HDAC9: variants seen among roughly 807,000 people sequenced by gnomAD.
The protein encoded by HDAC9 is MEF-2 interacting transcription repressor (MITR) protein.
HDAC9 carries 41 observed loss-of-function variants against 139.4 expected under a neutral mutation model. The observed-to-expected ratio is 0.29, with a 90% CI of 0.23 to 0.38. The LOEUF (loss-of-function observed/expected upper bound fraction) is 0.38, where lower values mean the gene tolerates loss of function less well. HDAC9 is among the 10% of genes least tolerant of loss of function. The pLI, the probability that HDAC9 is intolerant of heterozygous loss-of-function variation, is 1.00. For synonymous variants in HDAC9, 517 were observed against 476.2 expected (o/e 1.09, Z -1.12); for missense variants, 1,147 against 1,297.0 (o/e 0.88, Z 1.78).
At chr7:18,392,916 T>A (rs1229062426) in intron 1 of HDAC9, among the ~76,000 whole-genome samples, 1 of 77,950 alleles carries the variant, frequency 1.3e-5, no homozygotes, top group African/African-American at 5.9e-5. Context: ...TGGCCATGAC[T>A]GGCAAAAAAA....
chr7:18,585,331 G>T lies in HDAC9; in HGVS notation c.73G>T (p.Asp25Tyr). 1.2e-6 allele frequency: 2 copies of T among 1,610,008 alleles called. No homozygotes were observed. Among genetic ancestry groups the T allele is most frequent in the South Asian group, 1.1e-5 (1 of 90,982 alleles). The change falls in exon 3 of 26, where the codon GAC (aspartate) becomes TAC (tyrosine). Residue 25 changes from aspartate (D) to tyrosine (Y), a missense_variant. By Grantham distance (160) the Asp-to-Tyr change is radical. Around this residue, in one of 7 missense-constraint regions of HDAC9, gnomAD observed 136 missense variants for 183.5 expected, o/e 0.74. Coordinates refer to ENST00000686413, the MANE Select transcript of HDAC9 (RefSeq NM_178425.4). Reference protein sequence around the residue: ...PVGLEPISPLDLRTDLRMMMP... With the variant: ...PVGLEPISPLYLRTDLRMMMP... The stretch of plus-strand genomic sequence containing the variant: ...GGGCCTGGAGCCCATCTCACCTTTA[G>T]ACCTAAGGACAGACCTCAGGATGAT...
chr7:18,589,921 C>G (rs1377920625), intron 3 of HDAC9, among the ~76,000 whole-genome samples: 10 of 152,106 alleles, frequency 6.6e-5, no homozygotes, highest in Non-Finnish European at 4.4e-5. Context: ...TATTTTTACA[C>G]CATTTTTTAG....
At chr7:18,550,624 C>G (rs1816804146) in intron 2 of HDAC9, among the ~76,000 whole-genome samples, 1 of 152,090 alleles carries the variant, frequency 6.6e-6, no homozygotes, top group South Asian at 2.1e-4. Flanking sequence ...AATTTTCAAA[C>G]AGGGTAAGGT....
intron 2 of HDAC9, among the ~76,000 whole-genome samples, chr7:18,550,771 T>A (rs962975620): frequency 1.3e-5 from 2 of 152,092 alleles, no homozygotes; most frequent in African/African-American, 4.8e-5. Flanking sequence ...TCAGAGTGGC[T>A]GGAGTAGAGT....
chr7:18,524,965 G>A (rs563067245), intron 2 of HDAC9, among the ~76,000 whole-genome samples: 2 of 151,666 alleles, frequency 1.3e-5, no homozygotes, highest in Non-Finnish European at 2.9e-5. Flanking sequence ...TGTTCTAAAT[G>A]TAGTATAATG....
chr7:18,488,851 A>G (rs954591548), intron 1 of HDAC9, among the ~76,000 whole-genome samples: 2 of 152,062 alleles, frequency 1.3e-5, no homozygotes, highest in South Asian at 2.1e-4. Context: ...TCTGATGCCA[A>G]GTCTTTTTCA....
At position 18,732,894 on chromosome 7, in the gene HDAC9, C is replaced by CACACACACGTGTGCGTATGTGTAT. The variant is rs1562893396; in HGVS notation, c.1909+5144_1909+5167dup. Among the ~76,000 whole-genome samples, 18 of 39,362 alleles carry CACACACACGTGTGCGTATGTGTAT rather than the reference C, an allele frequency of 4.6e-4. 3 individuals carry two copies. The highest frequency in any genetic ancestry group is 0.014 in the Middle Eastern group (1 of 72). The allele number at this position is 39,362 out of a possible 152,430, so 25.8% of individuals were successfully genotyped here. On this transcript the variant is annotated intron_variant, in intron 13 of 25. Coordinates refer to ENST00000686413, the MANE Select transcript of HDAC9 (RefSeq NM_178425.4). ...ACACACACACGTGTGCGTATGTGTA[C>CACACACACGTGTGCGTATGTGTAT]ACACACACGTGTGCGTATGTGTATA...
At chr7:18,510,424 C>T (rs988533751) in intron 2 of HDAC9, among the ~76,000 whole-genome samples, 2 of 151,914 alleles carry the variant, frequency 1.3e-5, no homozygotes, top group East Asian at 3.8e-4. Context: ...TACAGGTGTA[C>T]TTTTATGTTA....
At chr7:18,851,735 A>G (rs1433872936) in intron 21 of HDAC9, among the ~76,000 whole-genome samples, 2 of 152,226 alleles carry the variant, frequency 1.3e-5, no homozygotes, top group Non-Finnish European at 2.9e-5. Flanking sequence ...ATATTAAATC[A>G]TCCAATCTAC....
At chr7:18,263,298 A>G (rs1442879740) in intron 2 of HDAC9, among the ~76,000 whole-genome samples, 1 of 152,232 alleles carries the variant, frequency 6.6e-6, no homozygotes, top group East Asian at 1.9e-4. Context: ...AAGATTTTAT[A>G]TAATATCTGC....
chr7:18,207,531 C>T (rs73319906), intron 2 of HDAC9, among the ~76,000 whole-genome samples: 6,430 of 21,368 alleles, frequency 0.3, 543 homozygotes, highest in African/African-American at 0.47. Flanking sequence ...CTCATCTGCC[C>T]AAGGAGTCTT....
chr7:18,736,712 C>T (rs1203915928), intron 13 of HDAC9, among the ~76,000 whole-genome samples: 1 of 152,200 alleles, frequency 6.6e-6, no homozygotes, highest in Non-Finnish European at 1.5e-5. Context: ...TGTTGTGTCT[C>T]TGCCAGGCTT....
At chr7:18,786,820 A>C (rs3857710) in intron 16 of HDAC9, among the ~76,000 whole-genome samples, 45,724 of 80,328 alleles carry the variant, frequency 0.57, 14,436 homozygotes, top group Non-Finnish European at 0.7. Flanking sequence ...TCCTTCCTTC[A>C]TTCCTTCCTT....
chr7:18,212,610 A>G (rs190318732), intron 2 of HDAC9, among the ~76,000 whole-genome samples: 50 of 152,320 alleles, frequency 3.3e-4, no homozygotes, highest in Admixed American at 2.6e-3. Flanking sequence ...AGGATAGGTA[A>G]GATGTTGCAG....
chr7:18,567,284 C>A (rs76051939), intron 2 of HDAC9, among the ~76,000 whole-genome samples: 26 of 152,258 alleles, frequency 1.7e-4, no homozygotes, highest in Admixed American at 9.2e-4. Context: ...ACTTCTCCCC[C>A]CTAACTGGGC....
At chr7:18,631,553 T>C (rs185384639) in intron 7 of HDAC9, among the ~76,000 whole-genome samples, 1 of 152,198 alleles carries the variant, frequency 6.6e-6, no homozygotes, top group East Asian at 1.9e-4. Flanking sequence ...TTGCTTTTGC[T>C]GTTATCCTCT....
chr7:18,425,028 T>C (rs1318592246), intron 1 of HDAC9, among the ~76,000 whole-genome samples: 1 of 152,172 alleles, frequency 6.6e-6, no homozygotes, highest in Admixed American at 6.6e-5. Flanking sequence ...AAGATATTTG[T>C]GGGTTACCTA....
chr7:18,399,435 AGGTGTTCAG>A (rs1787339624), intron 1 of HDAC9, among the ~76,000 whole-genome samples: 1 of 152,190 alleles, frequency 6.6e-6, no homozygotes, highest in South Asian at 2.1e-4. Flanking sequence ...AATTGTATGG[AGGTGTTCAG>A]CTAAATTTAG....
At chr7:18,575,206 C>T (rs988588642) in intron 2 of HDAC9, among the ~76,000 whole-genome samples, 1 of 152,200 alleles carries the variant, frequency 6.6e-6, no homozygotes, top group Non-Finnish European at 1.5e-5. Context: ...CAGTAATAAG[C>T]ATTTCAGCAT....
Sources: gnomAD v4.1 joint callset for allele counts (sites outside exome capture counted in the v4.1 genomes callset) on GRCh38, gnomAD v4.1.1 for gene constraint, gnomAD v4.1.1 regional missense constraint, MANE v1.5 for transcripts, NCBI Gene and HGNC (gene_info 2026-07-23, HGNC 2026-07-21) for gene names.